MACROD2: variants seen among roughly 807,000 people sequenced by gnomAD.
The protein encoded by MACROD2 is ADP-ribose glycohydrolase MACROD2.
In MACROD2, 36 loss-of-function variants were observed where a neutral mutation model predicts 70.4. The observed-to-expected ratio is 0.51, with a 90% confidence interval of 0.39 to 0.68. MACROD2 has a LOEUF of 0.68. Among genes scored for constraint, MACROD2 ranks in the 30% least tolerant of loss-of-function variants. The pLI, the probability that MACROD2 is intolerant of heterozygous loss-of-function variation, is 0.00. For missense variants in MACROD2, 496 were observed against 538.4 expected, an observed-to-expected ratio of 0.92 and a Z score of 0.78; for synonymous variants, 172 against 178.8, an observed-to-expected ratio of 0.96 and a Z score of 0.30.
intron 5 of MACROD2, among the ~76,000 whole-genome samples, chr20:14,962,316 A>G (rs531751446): frequency 5.9e-4 from 90 of 152,018 alleles, no homozygotes; most frequent in African/African-American, 2.1e-3. Flanking sequence ...ATTTTTTTCT[A>G]GAGAGAGAAT....
chr20:14,015,134 T>C (rs747758542), intron 2 of MACROD2, among the ~76,000 whole-genome samples: 1 of 152,190 alleles, frequency 6.6e-6, no homozygotes, highest in East Asian at 1.9e-4. Context: ...TCTACTCTTG[T>C]AAATTTAAGC....
chr20:15,232,703 C>T (rs1330658402), intron 6 of MACROD2, among the ~76,000 whole-genome samples: 1 of 151,900 alleles, frequency 6.6e-6, no homozygotes. Context: ...ATTCTGAACA[C>T]CAGAACTCTA....
intron 3 of MACROD2, among the ~76,000 whole-genome samples, chr20:14,461,017 T>C (rs2084363621): frequency 6.6e-6 from 1 of 152,028 alleles, no homozygotes; most frequent in African/African-American, 2.4e-5. Flanking sequence ...CTCCTCTTTG[T>C]ACCTCTGGTA....
chr20:16,022,838 G>A (rs534186229), intron 15 of MACROD2, among the ~76,000 whole-genome samples: 12 of 152,180 alleles, frequency 7.9e-5, no homozygotes, highest in Non-Finnish European at 1.8e-4. Flanking sequence ...TAGCACAAAT[G>A]CATGTATGTG....
At chr20:14,273,078 AG>A (rs2082212190) in intron 3 of MACROD2, among the ~76,000 whole-genome samples, 1 of 152,064 alleles carries the variant, frequency 6.6e-6, no homozygotes, top group African/African-American at 2.4e-5. Context: ...AACATTAGAC[AG>A]ATCAATGAGA....
intron 12 of MACROD2, among the ~76,000 whole-genome samples, chr20:15,966,349 A>T (rs970743255): frequency 1.3e-5 from 2 of 152,128 alleles, no homozygotes; most frequent in Non-Finnish European, 2.9e-5. Context: ...ATATCTTTGG[A>T]TTGCTTTCCT....
intron 4 of MACROD2, among the ~76,000 whole-genome samples, chr20:14,596,412 CATATATATATAT>C (rs5840627): frequency 3.5e-5 from 5 of 143,030 alleles, no homozygotes; most frequent in Admixed American, 1.4e-4. Context: ...ATTTTTTAAA[CATATATATATAT>C]ATATATATAT....
intron 7 of MACROD2, among the ~76,000 whole-genome samples, chr20:15,483,092 T>G (rs1357257254): frequency 2.0e-5 from 3 of 152,238 alleles, no homozygotes; most frequent in African/African-American, 7.2e-5. Context: ...GCTTATTTTT[T>G]TCATAAAGCA....
chr20:14,448,464 GT>G (rs2084208369), intron 3 of MACROD2, among the ~76,000 whole-genome samples: 1 of 151,782 alleles, frequency 6.6e-6, no homozygotes, highest in Non-Finnish European at 1.5e-5. Context: ...ATCACTTGAG[GT>G]TAGGAGTTCA....
At chr20:14,147,633 A>G (rs1297807706) in intron 3 of MACROD2, among the ~76,000 whole-genome samples, 1 of 152,210 alleles carries the variant, frequency 6.6e-6, no homozygotes, top group Non-Finnish European at 1.5e-5. Context: ...TTTGGCATCC[A>G]TTATAAAATA....
At chr20:15,270,806 C>T (rs1173742002) in intron 6 of MACROD2, among the ~76,000 whole-genome samples, 1 of 152,098 alleles carries the variant, frequency 6.6e-6, no homozygotes, top group African/African-American at 2.4e-5. Context: ...GAGCCTTCTG[C>T]CTTCCTGATA....
intron 6 of MACROD2, among the ~76,000 whole-genome samples, chr20:15,338,511 A>C (rs560263097): frequency 3.1e-4 from 47 of 151,684 alleles, no homozygotes; most frequent in South Asian, 6.2e-4. Flanking sequence ...GCTGATGAGA[A>C]CTGGTAACCT....
chr20:14,442,295 C>G (rs2122960827), intron 3 of MACROD2, among the ~76,000 whole-genome samples: 1 of 151,894 alleles, frequency 6.6e-6, no homozygotes, highest in East Asian at 1.9e-4. Context: ...ACAAAAAACC[C>G]AAAATGAAAT....
At chr20:15,086,788 A>G (rs1014868371) in intron 5 of MACROD2, among the ~76,000 whole-genome samples, 1 of 152,156 alleles carries the variant, frequency 6.6e-6, no homozygotes, top group Non-Finnish European at 1.5e-5. Context: ...AACATTTCTG[A>G]TGAGGCTTAA....
intron 4 of MACROD2, among the ~76,000 whole-genome samples, chr20:14,527,037 T>TG (rs998540834): frequency 5.3e-5 from 8 of 152,186 alleles, no homozygotes; most frequent in Non-Finnish European, 1.2e-4. Context: ...TTTCAGCAGA[T>TG]GGGGGAGCCA....
At chr20:14,361,184 T>C (rs1301211771) in intron 3 of MACROD2, among the ~76,000 whole-genome samples, 1 of 152,170 alleles carries the variant, frequency 6.6e-6, no homozygotes, top group East Asian at 1.9e-4. Context: ...CATCTAGGTT[T>C]GATGAGAAGG....
chr20:14,756,912 G>A (rs577269033), intron 5 of MACROD2, among the ~76,000 whole-genome samples: 1 of 152,058 alleles, frequency 6.6e-6, no homozygotes, highest in South Asian at 2.1e-4. Context: ...GCTTCCCCTT[G>A]GCTCTTTTCT....
At position 14,850,230 on chromosome 20, in the gene MACROD2, A is replaced by C; in HGVS notation, c.418+165271A>C. 3 of 234,696 alleles carry C rather than the reference A, an allele frequency of 1.3e-5. No individual in the cohort carries two copies. In the South Asian group the frequency reaches 1.5e-4, roughly 11 times the overall value. 14.5% of individuals were successfully genotyped at this position (234,696 alleles called of 1,614,324 possible). ...GGAAGATGAACATCTCATACCATCA[A>C]TATATGGGTGATTAGAAGCTCTACA... On this transcript the variant is annotated intron_variant, in intron 5 of 17. Transcript: ENST00000684519.
chr20:14,530,255 A>G (rs192319510), intron 4 of MACROD2, among the ~76,000 whole-genome samples: 234 of 152,282 alleles, frequency 1.5e-3, no homozygotes, highest in African/African-American at 5.3e-3. Context: ...AGACATACAG[A>G]TATTGGAAGC....
Sources: allele counts gnomAD v4.1 joint callset (sites outside exome capture counted in the v4.1 genomes callset), GRCh38; gene constraint gnomAD v4.1.1; transcripts MANE v1.5; gene names NCBI Gene and HGNC (gene_info 2026-07-23, HGNC 2026-07-21).